Variants in ARHGAP42 observed in about 807,000 individuals in gnomAD.
ARHGAP42 encodes the protein rho GTPase-activating protein 42.
A neutral mutation model predicts 125.0 loss-of-function variants in ARHGAP42; 63 were observed. The observed-to-expected ratio is 0.50, with a 90% CI of 0.41 to 0.62. The LOEUF is 0.62. Among genes scored for constraint, ARHGAP42 ranks in the 20% least tolerant of loss-of-function variants. The pLI is 0.00. For synonymous variants in ARHGAP42, 339 were observed against 351.0 expected, an observed-to-expected ratio of 0.97 and a Z score of 0.38; for missense variants, 766 against 1,024.2, an observed-to-expected ratio of 0.75 and a Z score of 3.44.
At chr11:100,827,729 T>G (rs1192356514) in intron 3 of ARHGAP42, among the ~76,000 whole-genome samples, 1 of 152,204 alleles carries the variant, frequency 6.6e-6, no homozygotes, top group African/African-American at 2.4e-5. Flanking sequence ...TCAAATAACC[T>G]GTGAAAATAA....
chr11:100,787,370 A>G (rs1450865689), intron 2 of ARHGAP42, among the ~76,000 whole-genome samples: 1 of 151,978 alleles, frequency 6.6e-6, no homozygotes, highest in Non-Finnish European at 1.5e-5. Context: ...TTTCGCCACG[A>G]TTGTAAGTTT....
In ARHGAP42 at chr11:100,976,932, A is replaced by G; in HGVS notation, c.2354A>G (p.Asp785Gly). ...AAAATGTGCAGGAGATTAAGACTAGACACTGCCTCAAGCAATGGCTATCAG... is the reference window on the plus strand; with the variant it reads ...AAAATGTGCAGGAGATTAAGACTAGGCACTGCCTCAAGCAATGGCTATCAG... ...PPKMCRRLRL[D>G]TASSNGYQRP... The change falls in exon 21 of 24, where the codon GAC becomes GGC. Residue 785 changes from aspartate to glycine, a missense_variant. Asp to Gly is a moderately conservative substitution (Grantham distance 94). Around this residue, in one of 3 missense-constraint regions of ARHGAP42, gnomAD observed 308 missense variants for 369.7 expected, o/e 0.83. Coordinates refer to ENST00000298815, the MANE Select transcript of ARHGAP42 (RefSeq NM_152432.4). The G allele has an allele frequency of 6.4e-7, 1 of 1,551,496 alleles. No homozygotes were observed.
chr11:100,908,290 T>C (rs1282637811), intron 4 of ARHGAP42, among the ~76,000 whole-genome samples: 1 of 152,212 alleles, frequency 6.6e-6, no homozygotes, highest in Non-Finnish European at 1.5e-5. Context: ...GTGGAAGACA[T>C]TGAGTTGGCC....
intron 1 of ARHGAP42, among the ~76,000 whole-genome samples, chr11:100,697,335 AC>A (rs1861304079): frequency 6.6e-6 from 1 of 152,236 alleles, no homozygotes; most frequent in Middle Eastern, 3.4e-3. Context: ...GGCGCCCGGC[AC>A]CACGCCCGGC....
intron 3 of ARHGAP42, among the ~76,000 whole-genome samples, chr11:100,817,277 G>A (rs528418857): frequency 1.1e-4 from 17 of 152,266 alleles, no homozygotes; most frequent in African/African-American, 3.9e-4. Flanking sequence ...AACCCAACAC[G>A]TCTGCAGACA....
At chr11:100,713,064 A>G (rs768721919) in intron 1 of ARHGAP42, among the ~76,000 whole-genome samples, 89 of 151,850 alleles carry the variant, frequency 5.9e-4, no homozygotes, top group Non-Finnish European at 1.0e-4. Context: ...TGGACAAATT[A>G]ATTATACCAG....
chr11:100,814,361 C>CA (rs11351569), intron 3 of ARHGAP42, among the ~76,000 whole-genome samples: 1,214 of 109,786 alleles, frequency 0.011, 16 homozygotes, highest in Non-Finnish European at 0.019. Flanking sequence ...GACTCCGTCT[C>CA]AAAAAAAAAA....
intron 1 of ARHGAP42, among the ~76,000 whole-genome samples, chr11:100,768,929 G>A (rs1182357993): frequency 6.6e-6 from 1 of 152,020 alleles, no homozygotes; most frequent in Non-Finnish European, 1.5e-5. Context: ...ACGTCCTTAG[G>A]CTGTTTTGTC....
intron 1 of ARHGAP42, among the ~76,000 whole-genome samples, chr11:100,767,805 A>G (rs1162326789): frequency 6.6e-6 from 1 of 152,182 alleles, no homozygotes. Flanking sequence ...CACTACATAT[A>G]CAAATAAAGG....
At chr11:100,891,788 G>C (rs998894283) in intron 4 of ARHGAP42, among the ~76,000 whole-genome samples, 2 of 152,096 alleles carry the variant, frequency 1.3e-5, no homozygotes, top group African/African-American at 2.4e-5. Flanking sequence ...GATAGTTTAT[G>C]TCTGTGCCAT....
chr11:100,935,092 C>T (rs925437614), intron 7 of ARHGAP42, among the ~76,000 whole-genome samples: 5 of 148,542 alleles, frequency 3.4e-5, no homozygotes, highest in Non-Finnish European at 3.0e-5. Flanking sequence ...GTTTGAAAGA[C>T]AAAAATAGTG....
chr11:100,933,490 C>T (rs1345659194), intron 7 of ARHGAP42, among the ~76,000 whole-genome samples: 1 of 152,096 alleles, frequency 6.6e-6, no homozygotes, highest in Admixed American at 6.6e-5. Flanking sequence ...TGTTAATTTA[C>T]TGGGTGATGC....
intron 4 of ARHGAP42, among the ~76,000 whole-genome samples, chr11:100,906,158 C>T (rs1866730771): frequency 6.6e-6 from 1 of 152,130 alleles, no homozygotes; most frequent in African/African-American, 2.4e-5. Flanking sequence ...CCTGTTTTTT[C>T]AGATCTTTTG....
chr11:100,749,169 C>T (rs1432928166), intron 1 of ARHGAP42, among the ~76,000 whole-genome samples: 2 of 152,142 alleles, frequency 1.3e-5, no homozygotes, highest in Non-Finnish European at 2.9e-5. Context: ...GAATACTTTT[C>T]TTACTACCGA....
intron 1 of ARHGAP42, among the ~76,000 whole-genome samples, chr11:100,768,959 G>T (rs1031419959): frequency 1.3e-5 from 2 of 152,104 alleles, no homozygotes; most frequent in Non-Finnish European, 2.9e-5. Flanking sequence ...ACATAATAGA[G>T]TATACTTACA....
chr11:100,743,801 G>C (rs1326328382), intron 1 of ARHGAP42, among the ~76,000 whole-genome samples: 1 of 152,058 alleles, frequency 6.6e-6, no homozygotes, highest in African/African-American at 2.4e-5. Flanking sequence ...GGGTTAATTT[G>C]AAAGTCTTCT....
intron 2 of ARHGAP42, among the ~76,000 whole-genome samples, chr11:100,776,293 C>T (rs913589755): frequency 2.6e-5 from 4 of 152,130 alleles, no homozygotes; most frequent in Admixed American, 6.5e-5. Flanking sequence ...TGCGATTGTG[C>T]GTAAACAGCT....
chr11:100,893,160 T>C (rs1037449142), intron 4 of ARHGAP42, among the ~76,000 whole-genome samples: 1 of 147,344 alleles, frequency 6.8e-6, no homozygotes, highest in Non-Finnish European at 1.5e-5. Flanking sequence ...CATTTAGGGG[T>C]GTGTGTGTGT....
intron 2 of ARHGAP42, among the ~76,000 whole-genome samples, chr11:100,777,084 G>A (rs1278000238): frequency 6.6e-6 from 1 of 152,034 alleles, no homozygotes; most frequent in Admixed American, 6.6e-5. Flanking sequence ...ATTGATGGAT[G>A]AGAGCTCGAA....
Sources: gnomAD v4.1 joint callset for allele counts (sites outside exome capture counted in the v4.1 genomes callset) on GRCh38, gnomAD v4.1.1 for gene constraint, gnomAD v4.1.1 regional missense constraint, MANE v1.5 for transcripts, NCBI Gene and HGNC (gene_info 2026-07-23, HGNC 2026-07-21) for gene names.